MEIS2: variants seen among roughly 807,000 people sequenced by gnomAD.
MEIS2 encodes the protein homeobox protein Meis2.
Under a neutral mutation model 58.6 loss-of-function variants are expected in MEIS2, and 9 were observed. The ratio of observed to expected loss-of-function variants is 0.15; its 90% CI spans 0.09 to 0.27. The LOEUF (loss-of-function observed/expected upper bound fraction) is 0.27. MEIS2 is among the 10% of genes least tolerant of loss of function. The pLI, the probability that MEIS2 is intolerant of heterozygous loss-of-function variation, is 1.00. For synonymous variants in MEIS2, 221 were observed against 228.4 expected (o/e 0.97, Z 0.29); for missense variants, 427 against 635.0 (o/e 0.67, Z 3.52).
At chr15:37,051,842 A>C (rs1232249460) in intron 7 of MEIS2, among the ~76,000 whole-genome samples, 6 of 152,210 alleles carry the variant, frequency 3.9e-5, no homozygotes, top group Non-Finnish European at 5.9e-5. Context: ...GAATGTGTTG[A>C]TTTATATAAT....
At chr15:37,055,873 A>G (rs1196146379) in intron 7 of MEIS2, among the ~76,000 whole-genome samples, 1 of 152,162 alleles carries the variant, frequency 6.6e-6, no homozygotes, top group African/African-American at 2.4e-5. Context: ...AAACACTATT[A>G]TCTCCCGTAG....
At chr15:37,076,395 A>T (rs1301076533) in intron 7 of MEIS2, among the ~76,000 whole-genome samples, 1 of 152,054 alleles carries the variant, frequency 6.6e-6, no homozygotes, top group East Asian at 1.9e-4. Context: ...GAGGGCTTCA[A>T]CAAGTACTGT....
At chr15:36,935,988 C>T (rs1394067473) in intron 9 of MEIS2, among the ~76,000 whole-genome samples, 3 of 151,808 alleles carry the variant, frequency 2.0e-5, no homozygotes, top group Non-Finnish European at 4.4e-5. Context: ...GCATTAGTAC[C>T]ATTGAACAGT....
intron 9 of MEIS2, among the ~76,000 whole-genome samples, chr15:36,913,517 G>A (rs180852231): frequency 1.1e-4 from 16 of 152,204 alleles, no homozygotes; most frequent in Middle Eastern, 3.4e-3. Context: ...CCTACTGGCC[G>A]TTTCCAAATA....
chr15:36,970,459 AC>A (rs2059512586), intron 8 of MEIS2, among the ~76,000 whole-genome samples: 1 of 152,040 alleles, frequency 6.6e-6, no homozygotes, highest in Non-Finnish European at 1.5e-5. Context: ...ACACGCACAC[AC>A]ACTCTGCAGG....
upstream of MEIS2, chr15:37,101,060 C>T (rs1895063421): frequency 6.6e-6 from 1 of 152,020 alleles, no homozygotes; most frequent in South Asian, 2.1e-4. Flanking sequence ...GGGCAGCAAG[C>T]TCTGCAGACG....
At chr15:36,895,070 G>C (rs1397250315) in intron 11 of MEIS2, 81 bp downstream of exon 11, 9 of 1,195,624 alleles carry the variant, frequency 7.5e-6, no homozygotes, top group Middle Eastern at 4.7e-4. Context: ...CCATGACAGT[G>C]GGATAGTAGA....
intron 9 of MEIS2, among the ~76,000 whole-genome samples, chr15:36,918,264 C>T (rs1156567566): frequency 2.0e-5 from 3 of 152,136 alleles, no homozygotes; most frequent in African/African-American, 2.4e-5. Context: ...GAAGACTATG[C>T]GATTTGGAAA....
chr15:37,092,696 C>CTTTCTTTTTTTTTT (rs1893681292), intron 6 of MEIS2, among the ~76,000 whole-genome samples: 1 of 38,660 alleles, frequency 2.6e-5, no homozygotes, highest in African/African-American at 9.5e-5. Flanking sequence ...ACTACATATG[C>CTTTCTTTTTTTTTT]TTTTTTTTTT....
At chr15:36,903,330 ACT>A (rs2038128161) in intron 9 of MEIS2, among the ~76,000 whole-genome samples, 1 of 152,186 alleles carries the variant, frequency 6.6e-6, no homozygotes, top group Non-Finnish European at 1.5e-5. Flanking sequence ...AGGAGAAAAC[ACT>A]CAAACTTCCT....
At chr15:37,084,234 T>C (rs992653121) in intron 6 of MEIS2, among the ~76,000 whole-genome samples, 3 of 152,166 alleles carry the variant, frequency 2.0e-5, no homozygotes, top group African/African-American at 7.2e-5. Flanking sequence ...AAAGTCATTT[T>C]TACTCTCGCT....
intron 8 of MEIS2, among the ~76,000 whole-genome samples, chr15:36,968,792 T>C (rs932009284): frequency 2.0e-4 from 30 of 152,202 alleles, no homozygotes; most frequent in Non-Finnish European, 3.5e-4. Flanking sequence ...ATTATAGTAC[T>C]TGCATTATAG....
At chr15:36,958,071 A>C (rs1040062966) in intron 8 of MEIS2, among the ~76,000 whole-genome samples, 1 of 152,198 alleles carries the variant, frequency 6.6e-6, no homozygotes, top group Non-Finnish European at 1.5e-5. Flanking sequence ...ATTCACTTCC[A>C]TTTGAGTTTA....
At chr15:36,996,016 C>CATAT (rs1385595314) in intron 8 of MEIS2, among the ~76,000 whole-genome samples, 1,032 of 85,654 alleles carry the variant, frequency 0.012, 9 homozygotes, top group Non-Finnish European at 0.019. Context: ...TATATATATA[C>CATAT]ATATGTGTAT....
chr15:36,939,010 T>A (rs1461650228), intron 9 of MEIS2, among the ~76,000 whole-genome samples: 1 of 152,212 alleles, frequency 6.6e-6, no homozygotes, highest in Non-Finnish European at 1.5e-5. Flanking sequence ...CTTGCAAATG[T>A]CTTTCTCTCA....
intron 8 of MEIS2, among the ~76,000 whole-genome samples, chr15:36,956,105 A>G (rs919487584): frequency 2.1e-5 from 3 of 143,102 alleles, no homozygotes; most frequent in African/African-American, 7.8e-5. Context: ...CTGAGGCAGG[A>G]GAATGGCGTG....
chr15:37,023,379 T>C (rs554536277), intron 8 of MEIS2, among the ~76,000 whole-genome samples: 1 of 152,356 alleles, frequency 6.6e-6, no homozygotes, highest in South Asian at 2.1e-4. Context: ...TGTCAGCCAG[T>C]GCCACGTCAT....
At chr15:37,006,778 C>T (rs4924115) in intron 8 of MEIS2, among the ~76,000 whole-genome samples, 17,901 of 152,204 alleles carry the variant, frequency 0.12, 1,743 homozygotes, top group Admixed American at 0.33. Context: ...AAAGTAAAAA[C>T]AAACTCCTGT....
At chr15:36,896,601 T>A (rs2141224958) in intron 10 of MEIS2, 27 bp downstream of exon 10, 1 of 1,581,054 alleles carries the variant, frequency 6.3e-7, no homozygotes, top group African/African-American at 1.3e-5. Flanking sequence ...CTGTGGGACA[T>A]AAATATAGAT....
Sources: allele counts gnomAD v4.1 joint callset (sites outside exome capture counted in the v4.1 genomes callset), GRCh38; gene constraint gnomAD v4.1.1; transcripts MANE v1.5; gene names NCBI Gene and HGNC (gene_info 2026-07-23, HGNC 2026-07-21).